TAFA4: variants seen among roughly 807,000 people sequenced by gnomAD.
TAFA4 encodes chemokine-like protein TAFA-4.
In TAFA4, 20 loss-of-function variants were observed where a neutral mutation model predicts 21.1. The ratio of observed to expected loss-of-function variants is 0.95; its 90% confidence interval spans 0.67 to 1.38. The LOEUF (loss-of-function observed/expected upper bound fraction) is 1.38, where lower values mean the gene tolerates loss of function less well. Among genes scored for constraint, TAFA4 ranks in the 40% most tolerant of loss-of-function variants. TAFA4 has a pLI of 0.00. For missense variants in TAFA4, 211 were observed against 180.9 expected, an observed-to-expected ratio of 1.17 and a Z score of -0.95; for synonymous variants, 71 against 67.4, an observed-to-expected ratio of 1.05 and a Z score of -0.26.
chr3:68,862,855 TCACACACA>T (rs145463746), intron 3 of TAFA4, among the ~76,000 whole-genome samples: 2 of 148,468 alleles, frequency 1.3e-5, no homozygotes, highest in African/African-American at 5.0e-5. Flanking sequence ...AAAAGAATTT[TCACACACA>T]CACACACACA....
intron 1 of TAFA4, among the ~76,000 whole-genome samples, chr3:68,904,644 A>G (rs2089880490): frequency 1.3e-5 from 2 of 152,192 alleles, no homozygotes; most frequent in South Asian, 4.1e-4. Flanking sequence ...AGAAGAATGC[A>G]TGATCAAGAC....
At chr3:68,926,905 C>G (rs542859235) in intron 1 of TAFA4, among the ~76,000 whole-genome samples, 4 of 151,812 alleles carry the variant, frequency 2.6e-5, no homozygotes, top group Non-Finnish European at 5.9e-5. Context: ...AGCAAGAATC[C>G]GTCTCAAAAA....
intron 3 of TAFA4, among the ~76,000 whole-genome samples, chr3:68,755,157 C>G (rs1161344183): frequency 1.3e-5 from 2 of 152,192 alleles, no homozygotes; most frequent in Non-Finnish European, 2.9e-5. Context: ...CTCCCAACAA[C>G]TCTCTATTTA....
intron 3 of TAFA4, among the ~76,000 whole-genome samples, chr3:68,813,779 C>T (rs1703897155): frequency 6.6e-6 from 1 of 152,000 alleles, no homozygotes; most frequent in Non-Finnish European, 1.5e-5. Flanking sequence ...CTATTCCAAT[C>T]AATAGAAAAA....
At chr3:68,917,436 TGTG>T (rs2090013817) in intron 1 of TAFA4, among the ~76,000 whole-genome samples, 1 of 152,032 alleles carries the variant, frequency 6.6e-6, no homozygotes, top group African/African-American at 2.4e-5. Flanking sequence ...TCCCCCCCTG[TGTG>T]TCAGTGTGGA....
intron 3 of TAFA4, among the ~76,000 whole-genome samples, chr3:68,766,364 T>TA (rs200266420): frequency 9.9e-5 from 15 of 151,032 alleles, no homozygotes; most frequent in East Asian, 1.9e-4. Flanking sequence ...CAAATACTCT[T>TA]AAAAAAAAAT....
intron 5 of TAFA4, among the ~76,000 whole-genome samples, chr3:68,738,327 A>T (rs571930343): frequency 6.6e-6 from 1 of 152,286 alleles, no homozygotes; most frequent in South Asian, 2.1e-4. Flanking sequence ...AGGCTAGTGG[A>T]CCAATCACCA....
intron 3 of TAFA4, among the ~76,000 whole-genome samples, chr3:68,865,725 GCT>G (rs1458238726): frequency 1.3e-5 from 2 of 152,060 alleles, no homozygotes; most frequent in Admixed American, 6.6e-5. Flanking sequence ...GTGTGCTGCT[GCT>G]TCAAACTCCA....
intron 3 of TAFA4, among the ~76,000 whole-genome samples, chr3:68,791,799 A>G (rs1703365931): frequency 6.6e-6 from 1 of 152,232 alleles, no homozygotes; most frequent in African/African-American, 2.4e-5. Flanking sequence ...GCCCTGTCCC[A>G]GAGGAGCAGC....
chr3:68,857,890 T>A (rs1254921624), intron 3 of TAFA4, among the ~76,000 whole-genome samples: 2 of 151,844 alleles, frequency 1.3e-5, no homozygotes, highest in African/African-American at 2.4e-5. Context: ...ATACAACATA[T>A]TAAGCTCTGA....
At chr3:68,754,203 C>T (rs77168670) in intron 3 of TAFA4, among the ~76,000 whole-genome samples, 6,004 of 152,242 alleles carry the variant, frequency 0.039, 425 homozygotes, top group African/African-American at 0.14. Context: ...GAAAATCTGA[C>T]ATGATACAAT....
At chr3:68,907,229 T>A (rs1286427841) in intron 1 of TAFA4, among the ~76,000 whole-genome samples, 9 of 152,054 alleles carry the variant, frequency 5.9e-5, no homozygotes. Context: ...ATATCCAAAG[T>A]AGCCACAGAA....
At chr3:68,863,644 G>A (rs1464961150) in intron 3 of TAFA4, among the ~76,000 whole-genome samples, 1 of 152,146 alleles carries the variant, frequency 6.6e-6, no homozygotes, top group Admixed American at 6.5e-5. Context: ...TGTGGAAGAA[G>A]TGCCAGTCTT....
chr3:68,824,920 C>T (rs139550480), intron 3 of TAFA4, among the ~76,000 whole-genome samples: 41 of 152,196 alleles, frequency 2.7e-4, no homozygotes, highest in Admixed American at 7.2e-4. Context: ...ACTCGCTGTC[C>T]GATGCTTGCT....
chr3:68,770,144 C>T (rs1323977925), intron 3 of TAFA4, among the ~76,000 whole-genome samples: 1 of 152,064 alleles, frequency 6.6e-6, no homozygotes, highest in Admixed American at 6.5e-5. Context: ...TTGTTACATC[C>T]CAGATTTTGG....
intron 3 of TAFA4, among the ~76,000 whole-genome samples, chr3:68,873,221 A>G (rs779629536): frequency 4.6e-5 from 7 of 152,016 alleles, no homozygotes; most frequent in Non-Finnish European, 8.8e-5. Context: ...AAGGTAGGAG[A>G]GGCTAACAAC....
chr3:68,789,971 G>A (rs1461022841), intron 3 of TAFA4, among the ~76,000 whole-genome samples: 1 of 152,132 alleles, frequency 6.6e-6, no homozygotes, highest in Non-Finnish European at 1.5e-5. Flanking sequence ...TGGGAAACTT[G>A]GAGGAAGAAA....
chr3:68,766,892 A>G (rs1025267610), intron 3 of TAFA4, among the ~76,000 whole-genome samples: 1 of 152,132 alleles, frequency 6.6e-6, no homozygotes, highest in African/African-American at 2.4e-5. Context: ...AAACAAATAA[A>G]ACAATTTTAT....
chr3:68,814,128 A>G (rs1369287071), intron 3 of TAFA4, among the ~76,000 whole-genome samples: 1 of 152,204 alleles, frequency 6.6e-6, no homozygotes, highest in African/African-American at 2.4e-5. Flanking sequence ...CCTTCACGCT[A>G]AAAACTCTCA....
Sources: gnomAD v4.1 joint callset for allele counts (sites outside exome capture counted in the v4.1 genomes callset) on GRCh38, gnomAD v4.1.1 for gene constraint, MANE v1.5 for transcripts, NCBI Gene and HGNC (gene_info 2026-07-23, HGNC 2026-07-21) for gene names.